Variants in SLC33A1 observed in about 807,000 individuals in gnomAD.
The protein encoded by SLC33A1 is solute carrier family 33 member 1.
SLC33A1 carries 20 observed loss-of-function variants against 50.0 expected under a neutral mutation model. The ratio of observed to expected loss-of-function variants is 0.40; its 90% CI spans 0.28 to 0.58. SLC33A1 has a LOEUF of 0.58. Among genes scored for constraint, SLC33A1 ranks in the 20% least tolerant of loss-of-function variants. The probability of loss-of-function intolerance (pLI) is 0.44; values close to 1 mark genes in which losing one functional copy is unlikely to be tolerated. For synonymous variants in SLC33A1, 265 were observed against 251.8 expected (o/e 1.05, Z -0.50); for missense variants, 476 against 657.0 (o/e 0.72, Z 3.01).
chr3:155,847,156 C>G (rs970833019), intron 1 of SLC33A1, among the ~76,000 whole-genome samples: 10 of 151,918 alleles, frequency 6.6e-5, no homozygotes, highest in African/African-American at 2.4e-4. Flanking sequence ...TGCAGCGAGC[C>G]GAGATTGTGC....
chr3:155,852,431 T>C lies in SLC33A1; in HGVS notation c.775+792A>G, dbSNP rs1041825141. ...ACTTACAGGACAAACTTTAAACTCT[T>C]TTCCCATAGTAATTAAAGAAAATCT... On this transcript the variant is annotated intron_variant, in intron 1 of 5. Transcript: ENST00000643144. Among the ~76,000 whole-genome samples the C allele has an allele frequency of 7.9e-5, 12 of 152,232 alleles. No individual in the cohort carries two copies. The East Asian group carries it at 2.3e-3, about 29-fold the overall frequency.
At chr3:155,851,346 C>A (rs1198952640) in intron 1 of SLC33A1, among the ~76,000 whole-genome samples, 2 of 151,914 alleles carry the variant, frequency 1.3e-5, no homozygotes, top group African/African-American at 2.4e-5. Flanking sequence ...CGGGCTGAAG[C>A]AATCCTCCTG....
chr3:155,832,093 C>T (rs542930668), intron 4 of SLC33A1, among the ~76,000 whole-genome samples: 2 of 152,264 alleles, frequency 1.3e-5, no homozygotes, highest in East Asian at 3.9e-4. Context: ...AAATCTCATT[C>T]TGGGCCAGGC....
chr3:155,840,992 T>A (rs80209806), intron 2 of SLC33A1, among the ~76,000 whole-genome samples: 18,502 of 151,038 alleles, frequency 0.12, 1,339 homozygotes, highest in South Asian at 0.31. Context: ...TCAAAAAAAA[T>A]ATATATATAT....
At chr3:155,836,061 GA>G (rs1352453000) in intron 2 of SLC33A1, among the ~76,000 whole-genome samples, 1 of 151,394 alleles carries the variant, frequency 6.6e-6, no homozygotes, top group Admixed American at 6.6e-5. Context: ...AAGGTGGGTG[GA>G]TCACGAGGTC....
At chr3:155,842,386 T>A (rs1752968204) in intron 2 of SLC33A1, 46 bp downstream of exon 2, 1 of 1,233,758 alleles carries the variant, frequency 8.1e-7, no homozygotes, top group Admixed American at 1.8e-5. Flanking sequence ...TTCCATGATA[T>A]TGATACTTAT....
In SLC33A1 at chr3:155,853,461, G is replaced by C; in HGVS notation, c.537C>G (p.Leu179=). 2 of 1,614,070 alleles carry C rather than the reference G, an allele frequency of 1.2e-6. No individual in the cohort carries two copies. The highest frequency in any genetic ancestry group is 1.7e-6 in the Non-Finnish European group (2 of 1,180,002). Reference sequence around the variant, plus strand: ...ATTCAAACAAAAAGAACGCCACAGTGAGAGCAATCACGTCGGGTGTTCTGT... The same window carrying C: ...ATTCAAACAAAAAGAACGCCACAGTCAGAGCAATCACGTCGGGTGTTCTGT... ...TDDRTPDVIA[L]TVAFFLFEFL... is the part of the protein sequence containing the mutation. Residue 179 remains leucine, a synonymous_variant, in exon 1 of 6, where the codon CTC becomes CTG. Transcript: ENST00000643144.
At chr3:155,829,615 C>T in intron 5 of SLC33A1, 73 bp downstream of exon 5, 3 of 1,084,022 alleles carry the variant, frequency 2.8e-6, no homozygotes, top group Non-Finnish European at 4.2e-6. Context: ...AGATATAGTA[C>T]TTCTAGAGAC....
chr3:155,853,273 T>C lies in SLC33A1; in HGVS notation c.725A>G (p.Asn242Ser). Residue 242 changes from asparagine to serine, a missense_variant, in exon 1 of 6, where the codon AAC becomes AGC. Coordinates refer to ENST00000643144, the MANE Select transcript of SLC33A1 (RefSeq NM_004733.4). ...TTGAGGCTGAAACCGCAAATATTTGTTACAAAAGTCGGCAGATTCAAGGGC... is the reference window on the plus strand; with the variant it reads ...TTGAGGCTGAAACCGCAAATATTTGCTACAAAAGTCGGCAGATTCAAGGGC... Reference protein sequence around the residue: ...FLALESADFCNKYLRFQPQPR... With the variant: ...FLALESADFCSKYLRFQPQPR... 6.2e-7 allele frequency: 1 copy of C among 1,614,018 alleles called. No homozygotes were observed.
chr3:155,844,455 ATATT>A (rs1753074647), intron 1 of SLC33A1, among the ~76,000 whole-genome samples: 1 of 23,964 alleles, frequency 4.2e-5, no homozygotes, highest in Non-Finnish European at 7.5e-5. Flanking sequence ...ATATATATAT[ATATT>A]TTTTTTTTTT....
chr3:155,829,199 G>A (rs768456264), intron 5 of SLC33A1, among the ~76,000 whole-genome samples: 9 of 152,262 alleles, frequency 5.9e-5, no homozygotes, highest in Non-Finnish European at 1.2e-4. Flanking sequence ...ACTGCACCTG[G>A]CCCGATTATC....
At chr3:155,844,514 G>T (rs1753086855) in intron 1 of SLC33A1, among the ~76,000 whole-genome samples, 1 of 122,042 alleles carries the variant, frequency 8.2e-6, no homozygotes, top group Non-Finnish European at 1.6e-5. Context: ...TTGTCAGGCT[G>T]GTGTGCAGTG....
At position 155,828,035 on chromosome 3, in the gene SLC33A1, A is replaced by C. The variant is rs1752257685; in HGVS notation, c.*175T>G. On this transcript the variant is annotated 3_prime_UTR_variant, in exon 6 of 6. Transcript: ENST00000643144. ...CTTTAAATACATTGACAAGGCAAAAAAAAAATATGATCAAATATACAGAAA... is the reference window on the plus strand; with the variant it reads ...CTTTAAATACATTGACAAGGCAAAACAAAAATATGATCAAATATACAGAAA... The C allele has an allele frequency of 3.5e-6, 2 of 574,888 alleles. No individual in the cohort carries two copies. Among genetic ancestry groups the C allele is most frequent in the African/African-American group, 3.8e-5 (2 of 52,478 alleles). 35.6% of individuals were successfully genotyped at this position (574,888 alleles called of 1,614,324 possible).
rs763261908 is a variant in SLC33A1 at position 155,829,775 on chromosome 3, T to C, written c.1395A>G (p.Thr465=). Residue 465 remains threonine, a synonymous_variant, in exon 5 of 6, where the codon ACA becomes ACG. Transcript: ENST00000643144. ...GGGGATCTACAAGCCAAAGAGCTACTGTAGAAGGCCAGTTTCCTCCCAGAT... is the reference window on the plus strand; with the variant it reads ...GGGGATCTACAAGCCAAAGAGCTACCGTAGAAGGCCAGTTTCCTCCCAGAT... ...VSNLGGNWPS[T]VALWLVDPLT... 20 of 1,614,006 alleles carry C rather than the reference T, an allele frequency of 1.2e-5. No individual in the cohort carries two copies. Among genetic ancestry groups the C allele is most frequent in the Non-Finnish European group, 1.7e-5 (20 of 1,179,978 alleles).
rs765123473 is a variant in SLC33A1, at chr3:155,833,573, C to T, written c.1161G>A (p.Gly387=). ...ACCAAACCAGTAGGGCATATTCTAA[C>T]CCAAGCAATAATCTATAGAGAAAGA... ...YKAMPYRLLL[G]LEYALLVWWT... The change falls in exon 4 of 6, where the codon GGG becomes GGA. Residue 387 remains glycine (G), a synonymous_variant. Transcript: ENST00000643144. The T allele has an allele frequency of 4.5e-5, 71 of 1,571,190 alleles. No homozygotes were observed. In the South Asian group the frequency reaches 7.9e-4, roughly 17 times the overall value.
rs935026599 is a variant in SLC33A1 at position 155,823,525 on chromosome 3, C to T, written c.*4685G>A. 1 of 152,002 alleles carries T rather than the reference C, an allele frequency of 6.6e-6. No homozygotes were observed. Among genetic ancestry groups the T allele is most frequent in the Non-Finnish European group, 1.5e-5 (1 of 68,066 alleles). The allele number at this position is 152,002 out of a possible 1,614,324, so 9.4% of individuals were successfully genotyped here. On this transcript the variant is annotated 3_prime_UTR_variant, in exon 6 of 6. Transcript: ENST00000643144. Reference sequence around the variant, plus strand: ...TCTCGACCAAAAATACAAAAATAAGCTGGGCGTAGTAGTGCACATCTGTAG... The same window carrying T: ...TCTCGACCAAAAATACAAAAATAAGTTGGGCGTAGTAGTGCACATCTGTAG...
At chr3:155,850,483 T>C (rs2108008387) in intron 1 of SLC33A1, among the ~76,000 whole-genome samples, 1 of 136,374 alleles carries the variant, frequency 7.3e-6, no homozygotes, top group East Asian at 2.0e-4. Flanking sequence ...TCTCTTAATG[T>C]AAGAGTGATT....
At chr3:155,850,369 C>T (rs1048991799) in intron 1 of SLC33A1, among the ~76,000 whole-genome samples, 7 of 152,094 alleles carry the variant, frequency 4.6e-5, no homozygotes, top group African/African-American at 1.4e-4. Flanking sequence ...TATATCACCA[C>T]AGAGGATTAA....
chr3:155,836,112 C>T (rs1180826777), intron 2 of SLC33A1, among the ~76,000 whole-genome samples: 2 of 150,714 alleles, frequency 1.3e-5, no homozygotes, highest in Non-Finnish European at 3.0e-5. Context: ...GGTGAAACCC[C>T]ATCTCCACTA....
Sources: allele counts gnomAD v4.1 joint callset (sites outside exome capture counted in the v4.1 genomes callset), GRCh38; gene constraint gnomAD v4.1.1; transcripts MANE v1.5; gene names NCBI Gene and HGNC (gene_info 2026-07-23, HGNC 2026-07-21).